The following PRKG1 variants were observed in gnomAD, a reference collection of about 807,000 sequenced individuals.
PRKG1 encodes the protein cGMP-dependent protein kinase 1.
PRKG1 carries 35 observed loss-of-function variants against 88.1 expected under a neutral mutation model. The ratio of observed to expected loss-of-function variants is 0.40; its 90% confidence interval spans 0.30 to 0.53. The LOEUF is 0.53. PRKG1 is among the 20% of genes least tolerant of loss of function. The probability of loss-of-function intolerance (pLI) is 0.59; values close to 1 mark genes in which losing one functional copy is unlikely to be tolerated. For synonymous variants in PRKG1, 303 were observed against 292.5 expected, an observed-to-expected ratio of 1.04 and a Z score of -0.37; for missense variants, 540 against 839.8, an observed-to-expected ratio of 0.64 and a Z score of 4.41.
At chr10:51,494,147 A>C (rs949795254) in intron 3 of PRKG1, among the ~76,000 whole-genome samples, 1 of 152,114 alleles carries the variant, frequency 6.6e-6, no homozygotes, top group Non-Finnish European at 1.5e-5. Context: ...TGCACCCTTG[A>C]ACTGGGCTCA....
chr10:51,351,293 C>T (rs1417087504), intron 2 of PRKG1, among the ~76,000 whole-genome samples: 1 of 152,060 alleles, frequency 6.6e-6, no homozygotes, highest in Non-Finnish European at 1.5e-5. Context: ...ATTGCTGGGC[C>T]AAGTGGTATT....
chr10:51,330,105 T>TTTA (rs1841695651), intron 2 of PRKG1, among the ~76,000 whole-genome samples: 1 of 130,422 alleles, frequency 7.7e-6, no homozygotes, highest in Non-Finnish European at 1.6e-5. Flanking sequence ...ACATTTGCTC[T>TTTA]TTTATTTATT....
intron 5 of PRKG1, among the ~76,000 whole-genome samples, chr10:51,913,525 T>C (rs1021131242): frequency 6.6e-6 from 1 of 152,204 alleles, no homozygotes; most frequent in East Asian, 1.9e-4. Flanking sequence ...TTCCTTTGTA[T>C]AGTGAATCAC....
chr10:51,409,425 C>T lies in PRKG1; in HGVS notation c.479-58298C>T, dbSNP rs187706147. 1.2e-3 allele frequency among the ~76,000 whole-genome samples: 181 copies of T among 152,266 alleles called. 2 individuals carry two copies. The highest frequency in any genetic ancestry group is 3.7e-3 in the African/African-American group (155 of 41,564). Reference sequence around the variant, plus strand: ...ATTTCCGTTCGATGATTGAATGCTGCTGCGCACAACCCGCTTTATGGCTAG... The same window carrying T: ...ATTTCCGTTCGATGATTGAATGCTGTTGCGCACAACCCGCTTTATGGCTAG... On this transcript the variant is annotated intron_variant, in intron 2 of 17. Transcript: ENST00000373980.
intron 3 of PRKG1, among the ~76,000 whole-genome samples, chr10:51,744,657 T>C (rs1837531476): frequency 6.6e-6 from 1 of 152,216 alleles, no homozygotes; most frequent in Non-Finnish European, 1.5e-5. Context: ...TGCGTTTTTG[T>C]TTTTTATGAC....
chr10:51,943,902 G>A (rs1589442155), intron 5 of PRKG1, among the ~76,000 whole-genome samples: 1 of 152,030 alleles, frequency 6.6e-6, no homozygotes, highest in South Asian at 2.1e-4. Context: ...CAAGGATATT[G>A]GTCTAAAATT....
At chr10:51,390,949 G>C (rs183871637) in intron 2 of PRKG1, among the ~76,000 whole-genome samples, 7 of 152,230 alleles carry the variant, frequency 4.6e-5, no homozygotes, top group Admixed American at 4.6e-4. Context: ...TAATCCTATG[G>C]TTGAAAAACC....
At chr10:51,074,360 C>G, upstream of PRKG1, 1 of 1,155,930 alleles carries the variant, frequency 8.7e-7, no homozygotes, top group Non-Finnish European at 1.2e-6. Flanking sequence ...TTTGCTCTCC[C>G]CGCTCTGAGC....
intron 2 of PRKG1, among the ~76,000 whole-genome samples, chr10:51,464,808 G>A (rs10997644): frequency 0.045 from 6,738 of 148,286 alleles, 275 homozygotes; most frequent in East Asian, 0.21. Context: ...GGAGAATGGC[G>A]TGAACCCGGG....
At chr10:51,376,499 T>C (rs1007749129) in intron 2 of PRKG1, among the ~76,000 whole-genome samples, 20 of 152,224 alleles carry the variant, frequency 1.3e-4, no homozygotes, top group African/African-American at 4.6e-4. Context: ...TGAAAAAAAT[T>C]GGATGCTGTT....
chr10:51,943,023 A>G (rs1332820462), intron 5 of PRKG1, among the ~76,000 whole-genome samples: 3 of 151,976 alleles, frequency 2.0e-5, no homozygotes, highest in Admixed American at 1.3e-4. Flanking sequence ...GATGGCATTG[A>G]ATCTATAAAT....
At chr10:52,139,349 A>C (rs1346918778) in intron 8 of PRKG1, among the ~76,000 whole-genome samples, 1 of 151,860 alleles carries the variant, frequency 6.6e-6, no homozygotes, top group Non-Finnish European at 1.5e-5. Flanking sequence ...TCTGTTTAGA[A>C]CTCGTTTGTA....
intron 1 of PRKG1, among the ~76,000 whole-genome samples, chr10:51,099,213 T>C: frequency 6.6e-6 from 1 of 152,084 alleles, no homozygotes; most frequent in East Asian, 1.9e-4. Context: ...CATACCAACA[T>C]GAATCCTCAT....
In PRKG1 at chr10:51,663,018, G is replaced by A. The variant is rs571441656; in HGVS notation, c.593-141567G>A. ...AACTCAGGCAACTACCAAATGTTTCGGAGCAAAGGAGTGGTATGATTAGAA... is the reference window on the plus strand; with the variant it reads ...AACTCAGGCAACTACCAAATGTTTCAGAGCAAAGGAGTGGTATGATTAGAA... On this transcript the variant is annotated intron_variant, in intron 3 of 17. Coordinates refer to ENST00000373980, the MANE Select transcript of PRKG1 (RefSeq NM_006258.4). Among the ~76,000 whole-genome samples the A allele has an allele frequency of 3.8e-4, 58 of 152,120 alleles. 1 individual carries two copies. Among genetic ancestry groups the A allele is most frequent in the South Asian group, 2.1e-3 (10 of 4,822 alleles).
At chr10:51,653,323 CACAA>C (rs1840085450) in intron 3 of PRKG1, among the ~76,000 whole-genome samples, 1 of 152,210 alleles carries the variant, frequency 6.6e-6, no homozygotes, top group South Asian at 2.1e-4. Context: ...TCTACATTCC[CACAA>C]ACAGTGTACA....
Position 52,019,652 on chromosome 10 carries a change from C to G in PRKG1, c.763-34832C>G, listed in dbSNP as rs527273603. On this transcript the variant is annotated intron_variant, in intron 5 of 17. Transcript: ENST00000373980. ...TATGCTCAGTCATTTATAAAGAAGG[C>G]AAATTCAGCTCCCATGGAAGTATTT... Among the ~76,000 whole-genome samples, 3 of 152,240 alleles carry G rather than the reference C, an allele frequency of 2.0e-5. No homozygotes were observed. The South Asian group carries it at 6.2e-4, about 32-fold the overall frequency.
intron 5 of PRKG1, among the ~76,000 whole-genome samples, chr10:52,006,637 G>A (rs1247541959): frequency 1.3e-5 from 2 of 152,014 alleles, no homozygotes; most frequent in African/African-American, 4.8e-5. Flanking sequence ...TACATATAAA[G>A]ACCAAATCTA....
chr10:51,393,193 C>G (rs183437118), intron 2 of PRKG1, among the ~76,000 whole-genome samples: 5 of 148,372 alleles, frequency 3.4e-5, no homozygotes, highest in Admixed American at 2.7e-4. Context: ...GTCGCGGGGC[C>G]GGGCAGAGGC....
chr10:51,628,122 C>CTCTTTCTTTCTTTCTT (rs11269617), intron 3 of PRKG1, among the ~76,000 whole-genome samples: 17 of 116,822 alleles, frequency 1.5e-4, no homozygotes, highest in African/African-American at 1.7e-4. Context: ...TTCTTTATTT[C>CTCTTTCTTTCTTTCTT]TCTTTCTTTC....
Sources: allele counts gnomAD v4.1 joint callset (sites outside exome capture counted in the v4.1 genomes callset), GRCh38; gene constraint gnomAD v4.1.1; transcripts MANE v1.5; gene names NCBI Gene and HGNC (gene_info 2026-07-23, HGNC 2026-07-21).